The following SERPINA12 variants were observed in gnomAD, a reference collection of about 807,000 sequenced individuals.
The protein encoded by SERPINA12 is serpin A12.
Under a neutral mutation model 25.9 loss-of-function variants are expected in SERPINA12, and 21 were observed. That is an observed-to-expected ratio of 0.81 (90% CI 0.58 to 1.17). The LOEUF (loss-of-function observed/expected upper bound fraction) is 1.17, where lower values mean the gene tolerates loss of function less well. Among genes scored for constraint, SERPINA12 ranks in the 50% most tolerant of loss-of-function variants. The pLI is 0.00. For synonymous variants in SERPINA12, 220 were observed against 196.0 expected (o/e 1.12, Z -1.02); for missense variants, 562 against 508.3 (o/e 1.11, Z -1.02).
intron 1 of SERPINA12, among the ~76,000 whole-genome samples, chr14:94,498,727 CAGTGAGGATACCCCGT>C (rs1367669259): frequency 6.6e-6 from 1 of 152,184 alleles, no homozygotes; most frequent in African/African-American, 2.4e-5. Flanking sequence ...CATTGGACCA[CAGTGAGGATACCCCGT>C]AGTGTAGGCA....
chr14:94,509,631 C>T (rs1442151464), upstream of SERPINA12, among the ~76,000 whole-genome samples: 1 of 152,208 alleles, frequency 6.6e-6, no homozygotes, highest in Non-Finnish European at 1.5e-5. Context: ...CTGGGAGTTC[C>T]CTTCCTCACC....
At chr14:94,512,455 T>G (rs1410357243), upstream of SERPINA12, among the ~76,000 whole-genome samples, 1 of 152,198 alleles carries the variant, frequency 6.6e-6, no homozygotes, top group Non-Finnish European at 1.5e-5. Flanking sequence ...AACTAATTAG[T>G]AGTAATCATA....
chr14:94,490,193 C>T (rs921257208), intron 3 of SERPINA12, among the ~76,000 whole-genome samples: 1 of 152,178 alleles, frequency 6.6e-6, no homozygotes, highest in African/African-American at 2.4e-5. Context: ...CACTCTGCCT[C>T]TCATGAGCTC....
intron 1 of SERPINA12, among the ~76,000 whole-genome samples, chr14:94,503,811 G>C (rs1900832016): frequency 6.6e-6 from 1 of 152,222 alleles, no homozygotes; most frequent in African/African-American, 2.4e-5. Context: ...CACACACAAG[G>C]ATGACTGTGG....
At chr14:94,496,152 A>G (rs75082283) in intron 3 of SERPINA12, among the ~76,000 whole-genome samples, 6,630 of 152,026 alleles carry the variant, frequency 0.044, 234 homozygotes, top group Non-Finnish European at 0.06. Flanking sequence ...CTCCAGTAAG[A>G]CTCCATCTAC....
chr14:94,509,835 G>A (rs1057311310), upstream of SERPINA12, among the ~76,000 whole-genome samples: 1 of 152,264 alleles, frequency 6.6e-6, no homozygotes, highest in East Asian at 1.9e-4. Context: ...TCCCCTCCCA[G>A]CTCCACAGCC....
At chr14:94,504,799 T>C (rs1900875238) in intron 1 of SERPINA12, among the ~76,000 whole-genome samples, 1 of 152,252 alleles carries the variant, frequency 6.6e-6, no homozygotes, top group Non-Finnish European at 1.5e-5. Context: ...GTGATGAGAC[T>C]ATGGCTGAAC....
intron 1 of SERPINA12, among the ~76,000 whole-genome samples, chr14:94,501,999 ATTGT>A (rs1900748809): frequency 6.6e-6 from 1 of 150,766 alleles, no homozygotes; most frequent in Non-Finnish European, 1.5e-5. Flanking sequence ...GAGTTGAGCA[ATTGT>A]TTGTTGGCTT....
At chr14:94,505,799 C>T (rs531123967) in intron 1 of SERPINA12, among the ~76,000 whole-genome samples, 34 of 152,154 alleles carry the variant, frequency 2.2e-4, no homozygotes, top group African/African-American at 5.1e-4. Context: ...GCCCACTGAG[C>T]GACACGGGCA....
chr14:94,498,363 G>A lies in SERPINA12; in HGVS notation c.35C>T (p.Ala12Val). 1 of 1,614,046 alleles carries A rather than the reference G, an allele frequency of 6.2e-7. No individual in the cohort carries two copies. Among genetic ancestry groups the A allele is most frequent in the African/African-American group, 1.3e-5 (1 of 75,016 alleles). Residue 12 changes from alanine to valine, a missense_variant, in exon 2 of 5, where the codon GCT becomes GTT. Transcript: ENST00000677451. Reference sequence around the variant, plus strand: ...AAGACCTTTCACCGTGAGGAGAACAGCCAGAAAAATGGCCAGGCCTAGTGT... The same window carrying A: ...AAGACCTTTCACCGTGAGGAGAACAACCAGAAAAATGGCCAGGCCTAGTGT... ...NPTLGLAIFL[A>V]VLLTVKGLLK... is the part of the protein sequence containing the mutation.
rs759013852 is a variant in SERPINA12 at position 94,489,611 on chromosome 14, C to G, written c.1053+9G>C. 6.2e-7 allele frequency: 1 copy of G among 1,613,132 alleles called. No homozygotes were observed. Among genetic ancestry groups the G allele is most frequent in the Non-Finnish European group, 8.5e-7 (1 of 1,179,514 alleles). The stretch of plus-strand genomic sequence containing the variant: ...TGCAGGGAGTGGAGTCCAGGCTAGG[C>G]AGGCTTACCTCGCCCACTTTCAGGC... On this transcript the variant is annotated intron_variant, in intron 4 of 4. Coordinates refer to ENST00000677451, the MANE Select transcript of SERPINA12 (RefSeq NM_001382267.1).
chr14:94,495,351 A>T (rs1009462510), intron 3 of SERPINA12, among the ~76,000 whole-genome samples: 2 of 151,952 alleles, frequency 1.3e-5, no homozygotes, highest in African/African-American at 4.8e-5. Context: ...TACAGGCGTG[A>T]GCCACCGCGC....
At chr14:94,510,557 T>G (rs1286934154), upstream of SERPINA12, among the ~76,000 whole-genome samples, 4 of 152,200 alleles carry the variant, frequency 2.6e-5, no homozygotes, top group African/African-American at 9.6e-5. Flanking sequence ...GGAGATTCCT[T>G]AAGGAACTAA....
In SERPINA12 at chr14:94,498,231, C is replaced by G. The variant is rs777509687; in HGVS notation, c.167G>C (p.Gly56Ala). Reference sequence around the variant, plus strand: ...GGCCAGCTTCTTGAGCAGCTTAAAGCCTAAGTCCATGTTCTGCCTTGCAAG... The same window carrying G: ...GGCCAGCTTCTTGAGCAGCTTAAAGGCTAAGTCCATGTTCTGCCTTGCAAG... ...KELARQNMDL[G>A]FKLLKKLAFY... The change falls in exon 2 of 5, where the codon GGC becomes GCC. Residue 56 changes from glycine to alanine, a missense_variant. Transcript: ENST00000677451. 1.2e-6 allele frequency: 2 copies of G among 1,614,038 alleles called. No individual in the cohort carries two copies. Among genetic ancestry groups the G allele is most frequent in the South Asian group, 2.2e-5 (2 of 91,086 alleles).
At position 94,497,895 on chromosome 14, in the gene SERPINA12, T is replaced by G; in HGVS notation, c.503A>C (p.Gln168Pro). 6.2e-7 allele frequency: 1 copy of G among 1,614,236 alleles called. No individual in the cohort carries two copies. The highest frequency in any genetic ancestry group is 8.5e-7 in the Non-Finnish European group (1 of 1,180,050). The change falls in exon 2 of 5, where the codon CAG becomes CCG. Residue 168 changes from glutamine to proline, a missense_variant. Gln to Pro is a moderately conservative substitution (Grantham distance 76). Coordinates refer to ENST00000677451, the MANE Select transcript of SERPINA12 (RefSeq NM_001382267.1). ...CTGCTTCTGAGCCATTTCCAAATTC[T>G]GAAAGTTGGTAAGGATGGTTTCGGC... is the stretch of plus-strand genomic sequence containing the variant. ...YSAETILTNF[Q>P]NLEMAQKQIN...
At chr14:94,511,801 A>C (rs1163152463), upstream of SERPINA12, 468 of 843,094 alleles carry the variant, frequency 5.6e-4, no homozygotes, top group Non-Finnish European at 6.1e-4. Context: ...TCATAAGCTC[A>C]CAGACCAGGG....
rs138358468 is a variant in SERPINA12, at chr14:94,498,559, C to T, written c.-33-129G>A. ...ATAGCAGTTTATGAGTGCTTTGACCCCTTTATAGCATTTAAACTTTATAAT... is the reference window on the plus strand; with the variant it reads ...ATAGCAGTTTATGAGTGCTTTGACCTCTTTATAGCATTTAAACTTTATAAT... On this transcript the variant is annotated intron_variant, in intron 1 of 4. Coordinates refer to ENST00000677451, the MANE Select transcript of SERPINA12 (RefSeq NM_001382267.1). The T allele has an allele frequency of 1.7e-5, 12 of 708,864 alleles. No homozygotes were observed. The African/African-American group carries it at 2.0e-4, about 12-fold the overall frequency. The allele number at this position is 708,864 out of a possible 1,614,324, so 43.9% of individuals were successfully genotyped here.
At position 94,487,525 on chromosome 14, in the gene SERPINA12, G is replaced by T. The variant is rs772515798; in HGVS notation, c.1054-31C>A. ...GAAGCCAAGGGCAAAGTCAAGGTCT[G>T]CCAAGCTCCTTGGCGACCACAGTGG... On this transcript the variant is annotated intron_variant, in intron 4 of 4. Transcript: ENST00000677451. 2.6e-6 allele frequency: 4 copies of T among 1,568,596 alleles called. No individual in the cohort carries two copies. The African/African-American group carries it at 4.1e-5, about 16-fold the overall frequency.
chr14:94,511,249 AC>A, upstream of SERPINA12: 1 of 237,040 alleles, frequency 4.2e-6, no homozygotes, highest in Non-Finnish European at 6.9e-6. Context: ...ACACACACAC[AC>A]ACACATATAT....
Sources: gnomAD v4.1 joint callset for allele counts (sites outside exome capture counted in the v4.1 genomes callset) on GRCh38, gnomAD v4.1.1 for gene constraint, MANE v1.5 for transcripts, NCBI Gene and HGNC (gene_info 2026-07-23, HGNC 2026-07-21) for gene names.